Variants in AP3B1 observed in about 807,000 individuals in gnomAD.
AP3B1 encodes the protein adaptor related protein complex 3 subunit beta 1.
A neutral mutation model predicts 132.5 loss-of-function variants in AP3B1; 61 were observed. That is an observed-to-expected ratio of 0.46 (90% CI 0.37 to 0.57). The LOEUF is 0.57. Ranked by LOEUF, AP3B1 falls within the 20% of genes least tolerant of loss-of-function variation. The pLI, the probability that AP3B1 is intolerant of heterozygous loss-of-function variation, is 0.00. For missense variants in AP3B1, 1,120 were observed against 1,289.4 expected (o/e 0.87, Z 2.01); for synonymous variants, 388 against 438.3 (o/e 0.89, Z 1.43).
intron 2 of AP3B1, among the ~76,000 whole-genome samples, chr5:78,254,589 A>T (rs1206414556): frequency 6.6e-6 from 1 of 152,192 alleles, no homozygotes; most frequent in Non-Finnish European, 1.5e-5. Context: ...TCACCTCAGA[A>T]TAGTATATCC....
chr5:78,175,756 T>C lies in AP3B1; in HGVS notation c.1095+28A>G, dbSNP rs751173349. On this transcript the variant is annotated intron_variant, in intron 10 of 26. Coordinates refer to ENST00000255194, the MANE Select transcript of AP3B1 (RefSeq NM_003664.5). ...TGGTACTAATGTGTTCATGTGTCTC[T>C]TAAATTACGTGTTCAGAACATACAT... 6 of 1,610,614 alleles carry C rather than the reference T, an allele frequency of 3.7e-6. No homozygotes were observed. In the Admixed American group the frequency reaches 5.0e-5, roughly 13 times the overall value.
chr5:78,211,264 C>G (rs1316233197), intron 7 of AP3B1, among the ~76,000 whole-genome samples: 1 of 152,156 alleles, frequency 6.6e-6, no homozygotes, highest in Non-Finnish European at 1.5e-5. Context: ...ACTGTATAAT[C>G]AGCTTTGACT....
intron 22 of AP3B1, among the ~76,000 whole-genome samples, chr5:78,064,739 G>A (rs557358863): frequency 3.9e-5 from 6 of 152,124 alleles, no homozygotes; most frequent in Admixed American, 1.3e-4. Context: ...ATTAAGCTAC[G>A]TTTAGTCAAA....
chr5:78,156,028 A>G (rs921734775), intron 14 of AP3B1, among the ~76,000 whole-genome samples: 3 of 151,964 alleles, frequency 2.0e-5, no homozygotes, highest in African/African-American at 7.3e-5. Context: ...GATATATAAA[A>G]CTCACACTGC....
rs756891304 is a variant in AP3B1, at chr5:78,175,857, T to G, written c.1041-19A>C. On this transcript the variant is annotated intron_variant, in intron 9 of 26. Transcript: ENST00000255194. ...CACCTCCCTAGAAATCAAAAGATAATTTTTACTGGGTATATGTTCCAATGA... is the reference window on the plus strand; with the variant it reads ...CACCTCCCTAGAAATCAAAAGATAAGTTTTACTGGGTATATGTTCCAATGA... The G allele has an allele frequency of 6.3e-7, 1 of 1,577,984 alleles. No individual in the cohort carries two copies. The highest frequency in any genetic ancestry group is 1.7e-5 in the Admixed American group (1 of 59,974).
At chr5:78,227,631 G>C (rs1388107643) in intron 4 of AP3B1, 99 bp from the exon 5 acceptor site, 2 of 1,132,376 alleles carry the variant, frequency 1.8e-6, no homozygotes, top group Non-Finnish European at 2.6e-6. Context: ...GGTGTAATAT[G>C]ACAATAGCAA....
intron 26 of AP3B1, 171 bp from the exon 27 acceptor site, chr5:78,003,226 T>A (rs891132448): frequency 3.8e-6 from 3 of 792,562 alleles, no homozygotes; most frequent in Non-Finnish European, 5.9e-6. Context: ...ATCAATAAAC[T>A]GTCCAGCCCA....
chr5:78,097,894 A>T (rs2112226680), intron 21 of AP3B1, among the ~76,000 whole-genome samples: 1 of 152,328 alleles, frequency 6.6e-6, no homozygotes, highest in African/African-American at 2.4e-5. Flanking sequence ...CTGTGTAGAA[A>T]GAGGTAGACA....
chr5:78,158,009 A>G (rs1159775377), intron 13 of AP3B1, among the ~76,000 whole-genome samples: 1 of 152,124 alleles, frequency 6.6e-6, no homozygotes, highest in Non-Finnish European at 1.5e-5. Flanking sequence ...TTGGCCTCCC[A>G]AAGTGCTGGG....
In AP3B1 at chr5:78,116,161, T is replaced by C. The variant is rs113301033; in HGVS notation, c.2042A>G (p.Glu681Gly). The C allele has an allele frequency of 7.4e-4, 1,188 of 1,613,844 alleles. 8 individuals are homozygous for C. The African/African-American group carries it at 0.014, about 19-fold the overall frequency. Reference sequence around the variant, plus strand: ...GCTACTATCAGAAGAGTCCTCCTCTTCCTCAGATTCAGAATAAAACTTCTT... The same window carrying C: ...GCTACTATCAGAAGAGTCCTCCTCTCCCTCAGATTCAGAATAAAACTTCTT... ...SAKKFYSESE[E>G]EEDSSDSSSD... The change falls in exon 18 of 27, where the codon GAA (glutamate) becomes GGA (glycine). Residue 681 changes from glutamate (E) to glycine (G), a missense_variant. Glu to Gly is a moderately conservative substitution (Grantham distance 98). This residue lies in a region of AP3B1 where 906 missense variants were observed against 997.1 expected (regional missense o/e 0.91). Transcript: ENST00000255194.
chr5:78,195,753 G>C (rs574403126), intron 7 of AP3B1, among the ~76,000 whole-genome samples: 1 of 152,234 alleles, frequency 6.6e-6, no homozygotes, highest in African/African-American at 2.4e-5. Flanking sequence ...CCGGGAGGTG[G>C]AGGCTGCACT....
At position 78,052,724 on chromosome 5, in the gene AP3B1, C is replaced by T. The variant is rs556729894; in HGVS notation, c.2578-13450G>A. On this transcript the variant is annotated intron_variant, in intron 22 of 26. Transcript: ENST00000255194. ...GGAAATTAATATCCCATTCTTTCTC[C>T]TCCCCAAAGACAGATCAATAAACTT... Among the ~76,000 whole-genome samples the T allele has an allele frequency of 4.3e-4, 66 of 152,280 alleles. 1 individual carries two copies. Among genetic ancestry groups the T allele is most frequent in the Non-Finnish European group, 4.4e-4 (30 of 68,026 alleles).
chr5:78,286,610 T>G (rs543642918), intron 1 of AP3B1, among the ~76,000 whole-genome samples: 1 of 152,330 alleles, frequency 6.6e-6, no homozygotes, highest in Admixed American at 6.5e-5. Context: ...TCTTTAGAAA[T>G]TACCCAGTCT....
In AP3B1 at chr5:78,116,117, A is replaced by T. The variant is rs769903508; in HGVS notation, c.2077+9T>A. The T allele has an allele frequency of 6.3e-7, 1 of 1,590,740 alleles. No homozygotes were observed. The highest frequency in any genetic ancestry group is 2.2e-5 in the East Asian group (1 of 44,690). The stretch of plus-strand genomic sequence containing the variant: ...TAAATAATATATGCCAATAAATTAT[A>T]AAACCCACCACTGTCACTGCTACTA... On this transcript the variant is annotated intron_variant, in intron 18 of 26. Coordinates refer to ENST00000255194, the MANE Select transcript of AP3B1 (RefSeq NM_003664.5).
At position 78,187,108 on chromosome 5, in the gene AP3B1, C is replaced by CT. The variant is rs576756812; in HGVS notation, c.787-5447dup. On this transcript the variant is annotated intron_variant, in intron 7 of 26. Transcript: ENST00000255194. ...AATTCAAAACAAACACACTACTTGTCTTTTAGTGCTTAATAAAAAGACTAT... is the reference window on the plus strand; with the variant it reads ...AATTCAAAACAAACACACTACTTGTCTTTTTAGTGCTTAATAAAAAGACTAT... Among the ~76,000 whole-genome samples, 17 of 152,266 alleles carry CT rather than the reference C, an allele frequency of 1.1e-4. No individual in the cohort carries two copies. The East Asian group carries it at 3.3e-3, about 29-fold the overall frequency.
chr5:78,195,003 A>G (rs1417562449), intron 7 of AP3B1, among the ~76,000 whole-genome samples: 1 of 152,102 alleles, frequency 6.6e-6, no homozygotes, highest in Non-Finnish European at 1.5e-5. Flanking sequence ...ATGAAATGAA[A>G]TACTACCATA....
intron 7 of AP3B1, among the ~76,000 whole-genome samples, chr5:78,207,033 G>A (rs1580485798): frequency 1.3e-5 from 2 of 152,036 alleles, no homozygotes; most frequent in South Asian, 4.1e-4. Context: ...TGAGGCGGGT[G>A]GATCACATGA....
intron 17 of AP3B1, among the ~76,000 whole-genome samples, chr5:78,122,051 T>C (rs1282855616): frequency 5.3e-5 from 8 of 152,058 alleles, no homozygotes; most frequent in African/African-American, 1.9e-4. Flanking sequence ...CATACACAAA[T>C]CAATAAATGT....
chr5:78,282,123 CCA>C (rs545303615), intron 1 of AP3B1, among the ~76,000 whole-genome samples: 35 of 152,266 alleles, frequency 2.3e-4, no homozygotes, highest in African/African-American at 7.9e-4. Flanking sequence ...CCATCGATTT[CCA>C]CACTCAACAT....
Sources: allele counts gnomAD v4.1 joint callset (sites outside exome capture counted in the v4.1 genomes callset), GRCh38; gene constraint gnomAD v4.1.1; regional missense constraint gnomAD v4.1.1; transcripts MANE v1.5; gene names NCBI Gene and HGNC (gene_info 2026-07-23, HGNC 2026-07-21).